SOAT1: variants seen among roughly 807,000 people sequenced by gnomAD.
The protein encoded by SOAT1 is acyl-coenzyme A:cholesterol acyltransferase 1.
In SOAT1, 55 loss-of-function variants were observed where a neutral mutation model predicts 69.5. The observed-to-expected ratio is 0.79, with a 90% CI of 0.64 to 0.99. SOAT1 has a LOEUF of 0.99. SOAT1 is among the 50% of genes least tolerant of loss of function. The probability of loss-of-function intolerance (pLI) is 0.00; values close to 1 mark genes in which losing one functional copy is unlikely to be tolerated. For synonymous variants in SOAT1, 231 were observed against 224.7 expected, an observed-to-expected ratio of 1.03 and a Z score of -0.25; for missense variants, 580 against 669.3, an observed-to-expected ratio of 0.87 and a Z score of 1.47.
chr1:179,295,649 G>A (rs923981331), intron 1 of SOAT1, among the ~76,000 whole-genome samples: 3 of 152,152 alleles, frequency 2.0e-5, no homozygotes, highest in Admixed American at 1.3e-4. Context: ...AAGACATTTC[G>A]AGAGATACCA....
At chr1:179,320,046 G>T (rs1325032144) in intron 2 of SOAT1, among the ~76,000 whole-genome samples, 4 of 151,524 alleles carry the variant, frequency 2.6e-5, no homozygotes, top group African/African-American at 9.7e-5. Flanking sequence ...GGTGTTCTTT[G>T]TAGCACAAAA....
chr1:179,318,701 A>G (rs1222974815), intron 2 of SOAT1, among the ~76,000 whole-genome samples: 1 of 152,188 alleles, frequency 6.6e-6, no homozygotes, highest in African/African-American at 2.4e-5. Context: ...TTGTCATGTA[A>G]ATAGGATCAT....
Position 179,345,107 on chromosome 1 carries a change from C to T in SOAT1, c.1117+31C>T, listed in dbSNP as rs56287445. On this transcript the variant is annotated intron_variant, in intron 11 of 15. Transcript: ENST00000367619. ...ATGGGTACTTGTTAATTTGGTCATG[C>T]ATAAATTCACGAGGTAAATAGAAAG... is the stretch of plus-strand genomic sequence containing the variant. 7,777 of 1,608,872 alleles carry T rather than the reference C, an allele frequency of 4.8e-3. 28 individuals carry two copies. The highest frequency in any genetic ancestry group is 5.5e-3 in the Non-Finnish European group (6,418 of 1,176,308).
At chr1:179,339,640 C>A in intron 6 of SOAT1, 95 bp downstream of exon 6, 1 of 674,200 alleles carries the variant, frequency 1.5e-6, no homozygotes, top group African/African-American at 1.9e-5. Flanking sequence ...TAAATTGCTT[C>A]AGGAAATCCT....
At chr1:179,313,733 C>T (rs879367449) in intron 2 of SOAT1, among the ~76,000 whole-genome samples, 23 of 152,234 alleles carry the variant, frequency 1.5e-4, no homozygotes, top group Admixed American at 9.2e-4. Flanking sequence ...TATAGGCATG[C>T]GCCACCACGC....
At chr1:179,351,559 T>G in intron 15 of SOAT1, 97 bp downstream of exon 15, 1 of 1,120,112 alleles carries the variant, frequency 8.9e-7, no homozygotes, top group Non-Finnish European at 1.3e-6. Context: ...GTGGAGATTA[T>G]GATGAATTAG....
chr1:179,340,304 G>T (rs921528686), intron 6 of SOAT1, among the ~76,000 whole-genome samples: 4 of 152,214 alleles, frequency 2.6e-5, no homozygotes, highest in Admixed American at 6.5e-5. Context: ...AGACCAGCCT[G>T]GGCAACATCT....
Position 179,341,221 on chromosome 1 carries a change from C to T in SOAT1, c.691C>T (p.Gln231Ter). Residue 231 changes from glutamine to a stop codon, truncating the protein, a stop_gained, in exon 7 of 16, where the codon CAG becomes TAG. Coordinates refer to ENST00000367619, the MANE Select transcript of SOAT1 (RefSeq NM_003101.6). LOFTEE classifies it high-confidence loss of function. ...LFHGFLFMIFQIGVLGFGPTY... is the reference protein window; with the variant it reads ...LFHGFLFMIF Reference sequence around the variant, plus strand: ...CCATGGCTTTCTTTTCATGATCTTCCAGATTGGAGTTCTAGGTTTTGGACC... The same window carrying T: ...CCATGGCTTTCTTTTCATGATCTTCTAGATTGGAGTTCTAGGTTTTGGACC... The T allele has an allele frequency of 6.2e-7, 1 of 1,614,072 alleles. No homozygotes were observed. The highest frequency in any genetic ancestry group is 2.2e-5 in the East Asian group (1 of 44,878).
chr1:179,341,021 T>C lies in SOAT1; in HGVS notation c.498-7T>C. On this transcript the variant is annotated splice_polypyrimidine_tract_variant and splice_region_variant and intron_variant, in intron 6 of 15. Transcript: ENST00000367619. Reference sequence around the variant, plus strand: ...CTATGTTCTTTTTCTGTACCTTTTCTCCCCAGGCTGGTGCTTGAGTTCAGC... The same window carrying C: ...CTATGTTCTTTTTCTGTACCTTTTCCCCCCAGGCTGGTGCTTGAGTTCAGC... 1 of 1,611,528 alleles carries C rather than the reference T, an allele frequency of 6.2e-7. No homozygotes were observed. Among genetic ancestry groups the C allele is most frequent in the South Asian group, 1.1e-5 (1 of 90,818 alleles).
intron 3 of SOAT1, among the ~76,000 whole-genome samples, chr1:179,327,743 T>C (rs908123474): frequency 1.4e-5 from 2 of 145,912 alleles, no homozygotes; most frequent in Non-Finnish European, 3.0e-5. Flanking sequence ...GGAGCTCTTA[T>C]TAAGTAAGGA....
At chr1:179,306,598 C>G (rs544238155) in intron 2 of SOAT1, among the ~76,000 whole-genome samples, 2 of 151,794 alleles carry the variant, frequency 1.3e-5, no homozygotes, top group African/African-American at 4.8e-5. Flanking sequence ...TTTGGGAGGC[C>G]GAGGTGGGCA....
intron 2 of SOAT1, among the ~76,000 whole-genome samples, chr1:179,304,076 A>T (rs1216695213): frequency 6.6e-6 from 1 of 152,234 alleles, no homozygotes; most frequent in Non-Finnish European, 1.5e-5. Context: ...GCAGGTGTTA[A>T]AAATTGAATT....
intron 2 of SOAT1, among the ~76,000 whole-genome samples, chr1:179,305,121 A>G (rs764412218): frequency 6.6e-5 from 10 of 152,142 alleles, no homozygotes; most frequent in Admixed American, 1.3e-4. Flanking sequence ...CTTAGCCTCT[A>G]GCAACCACTA....
At chr1:179,313,518 GTGTA>G (rs1222800580) in intron 2 of SOAT1, among the ~76,000 whole-genome samples, 1 of 151,026 alleles carries the variant, frequency 6.6e-6, no homozygotes, top group Non-Finnish European at 1.5e-5. Flanking sequence ...GTGTATATAT[GTGTA>G]TATATATATG....
intron 3 of SOAT1, among the ~76,000 whole-genome samples, chr1:179,327,400 C>G (rs898268632): frequency 3.3e-5 from 5 of 152,100 alleles, no homozygotes; most frequent in African/African-American, 1.2e-4. Context: ...CTCCAAGGTC[C>G]CTTTTAGCTC....
chr1:179,348,441 C>T (rs1253847587), intron 12 of SOAT1, among the ~76,000 whole-genome samples: 1 of 152,096 alleles, frequency 6.6e-6, no homozygotes. Flanking sequence ...CACCAAACAG[C>T]TCTCTAGTGT....
intron 10 of SOAT1, among the ~76,000 whole-genome samples, chr1:179,344,147 A>G (rs1392839589): frequency 6.6e-6 from 1 of 152,082 alleles, no homozygotes; most frequent in African/African-American, 2.4e-5. Context: ...ATTATTTATA[A>G]AGTAATTCTA....
chr1:179,311,635 T>G (rs142978171), intron 2 of SOAT1, among the ~76,000 whole-genome samples: 81 of 152,328 alleles, frequency 5.3e-4, no homozygotes, highest in African/African-American at 1.9e-3. Flanking sequence ...ACTATTACTA[T>G]GTAACTTTAA....
rs1043232059 is a variant in SOAT1, at chr1:179,337,889, C to G, written c.382C>G (p.Leu128Val). 1.2e-6 allele frequency: 2 copies of G among 1,601,854 alleles called. No individual in the cohort carries two copies. The highest frequency in any genetic ancestry group is 3.4e-5 in the Admixed American group (2 of 58,152). Residue 128 changes from leucine (L) to valine (V), a missense_variant, in exon 5 of 16, where the codon CTC (leucine) becomes GTC (valine). Physicochemically the swap from Leu to Val is conservative, Grantham distance 32. Coordinates refer to ENST00000367619, the MANE Select transcript of SOAT1 (RefSeq NM_003101.6). The stretch of plus-strand genomic sequence containing the variant: ...AAAGATTTTTATTGCAAGGCGCTCT[C>G]TCTTAGAGTGAGTATTTTTAGTTGT... ...QGKIFIARRS[L>V]LDELLEVDHI...
Sources: allele counts gnomAD v4.1 joint callset (sites outside exome capture counted in the v4.1 genomes callset), GRCh38; gene constraint gnomAD v4.1.1; transcripts MANE v1.5; gene names NCBI Gene and HGNC (gene_info 2026-07-23, HGNC 2026-07-21).